The following TLN2 variants were observed in gnomAD, a reference collection of about 807,000 sequenced individuals.
The protein encoded by TLN2 is talin 2, also known as talin-2.
A neutral mutation model predicts 294.7 loss-of-function variants in TLN2; 118 were observed. The observed-to-expected ratio is 0.40, with a 90% confidence interval of 0.34 to 0.47. The LOEUF (loss-of-function observed/expected upper bound fraction) is 0.47. Ranked by LOEUF, TLN2 falls within the 20% of genes least tolerant of loss-of-function variation. The pLI, the probability that TLN2 is intolerant of heterozygous loss-of-function variation, is 0.84. For synonymous variants in TLN2, 1,431 were observed against 1,304.5 expected (o/e 1.10, Z -2.09); for missense variants, 3,083 against 3,282.2 (o/e 0.94, Z 1.48).
intron 1 of TLN2, among the ~76,000 whole-genome samples, chr15:62,427,347 GTTAC>G (rs1334767772): frequency 1.3e-5 from 2 of 152,094 alleles, no homozygotes; most frequent in Admixed American, 1.3e-4. Flanking sequence ...TCTACTTGGG[GTTAC>G]TTACTTTTAT....
chr15:62,616,416 T>C (rs1246496672), intron 2 of TLN2, among the ~76,000 whole-genome samples: 1 of 152,210 alleles, frequency 6.6e-6, no homozygotes, highest in Non-Finnish European at 1.5e-5. Context: ...CTATTTTCCA[T>C]ACATTTTCTT....
intron 1 of TLN2, among the ~76,000 whole-genome samples, chr15:62,449,331 T>C (rs2035978946): frequency 6.6e-6 from 1 of 152,202 alleles, no homozygotes; most frequent in Admixed American, 6.5e-5. Flanking sequence ...TGTCAGAGTT[T>C]GGTCCTGATG....
Position 62,653,307 on chromosome 15 carries a change from T to C in TLN2, c.510T>C (p.Asp170=). ...AGTTGAAGGCCAAGCTGCACACAGA[T>C]GATGACCGTAAGTGTTTGCAGAGGA... ...MEKLKAKLHT[D]DDLNWLDHSR... The change falls in exon 7 of 59, where the codon GAT becomes GAC. Residue 170 remains aspartate (D), a synonymous_variant. Transcript: ENST00000636159. The C allele has an allele frequency of 6.2e-7, 1 of 1,612,002 alleles. No individual in the cohort carries two copies. Among genetic ancestry groups the C allele is most frequent in the Non-Finnish European group, 8.5e-7 (1 of 1,179,322 alleles).
At chr15:62,578,263 A>G (rs531838509) in intron 1 of TLN2, among the ~76,000 whole-genome samples, 1 of 152,218 alleles carries the variant, frequency 6.6e-6, no homozygotes, top group Non-Finnish European at 1.5e-5. Context: ...ACCACCAGGA[A>G]CTGGAAAACA....
At chr15:62,645,639 C>A (rs1462821954) in intron 3 of TLN2, among the ~76,000 whole-genome samples, 1 of 152,220 alleles carries the variant, frequency 6.6e-6, no homozygotes, top group African/African-American at 2.4e-5. Context: ...GCTGCACTGC[C>A]TGGGCCTGGG....
chr15:62,673,765 T>C (rs376285907), intron 9 of TLN2, 62 bp from the exon 10 acceptor site: 2 of 1,332,248 alleles, frequency 1.5e-6, no homozygotes, highest in African/African-American at 2.9e-5. Context: ...TAAATGTCTT[T>C]GCTTTGCTTC....
At chr15:62,465,862 T>C (rs1566997470) in intron 1 of TLN2, among the ~76,000 whole-genome samples, 1 of 152,250 alleles carries the variant, frequency 6.6e-6, no homozygotes, top group Non-Finnish European at 1.5e-5. Flanking sequence ...AAATGAAGCT[T>C]CCATGTCTGT....
intron 1 of TLN2, among the ~76,000 whole-genome samples, chr15:62,447,932 G>T (rs908685623): frequency 5.9e-5 from 9 of 152,192 alleles, no homozygotes; most frequent in Non-Finnish European, 1.2e-4. Flanking sequence ...TACAAATGAG[G>T]TGCTCGTGAC....
intron 1 of TLN2, among the ~76,000 whole-genome samples, chr15:62,557,520 G>A (rs1394047101): frequency 2.0e-5 from 3 of 152,174 alleles, no homozygotes. Context: ...GGCTTAGAAT[G>A]TAACCTCAAA....
At chr15:62,529,941 C>T (rs980813960) in intron 1 of TLN2, among the ~76,000 whole-genome samples, 9 of 152,156 alleles carry the variant, frequency 5.9e-5, no homozygotes, top group African/African-American at 1.7e-4. Flanking sequence ...CCTGTAATCC[C>T]GGCACTTTGG....
chr15:62,614,032 T>C (rs2048121220), intron 2 of TLN2, among the ~76,000 whole-genome samples: 1 of 152,250 alleles, frequency 6.6e-6, no homozygotes, highest in South Asian at 2.1e-4. Flanking sequence ...CTAATGGCTG[T>C]GTTCATCATC....
chr15:62,790,944 G>T (rs2065031487), intron 45 of TLN2, among the ~76,000 whole-genome samples: 1 of 152,186 alleles, frequency 6.6e-6, no homozygotes, highest in African/African-American at 2.4e-5. Flanking sequence ...TCTGCATGGA[G>T]GTAGTCAACA....
At position 62,433,876 on chromosome 15, in the gene TLN2, C is replaced by A. The variant is rs546812954; in HGVS notation, c.-238+43191C>A. Among the ~76,000 whole-genome samples the A allele has an allele frequency of 2.0e-5, 3 of 152,108 alleles. No individual in the cohort carries two copies. The South Asian group carries it at 6.2e-4, about 32-fold the overall frequency. On this transcript the variant is annotated intron_variant, in intron 1 of 58. Coordinates refer to ENST00000636159, the MANE Select transcript of TLN2 (RefSeq NM_015059.3). ...TGATGGCAGGTACCTGTAATCCCAG[C>A]TACTCAGGAGGCTGAGGCAGGAGAA... is the stretch of plus-strand genomic sequence containing the variant.
intron 1 of TLN2, among the ~76,000 whole-genome samples, chr15:62,517,591 T>A (rs1352746736): frequency 6.6e-6 from 1 of 152,172 alleles, no homozygotes; most frequent in South Asian, 2.1e-4. Context: ...TGTACCCCTT[T>A]TGTAAACAAA....
intron 11 of TLN2, among the ~76,000 whole-genome samples, chr15:62,677,067 G>T (rs1204844779): frequency 1.3e-5 from 2 of 152,210 alleles, no homozygotes; most frequent in African/African-American, 4.8e-5. Flanking sequence ...CTTAGCCGGA[G>T]TGACCCCATT....
chr15:62,751,144 T>TA (rs549586570), intron 34 of TLN2, among the ~76,000 whole-genome samples: 134 of 145,398 alleles, frequency 9.2e-4, no homozygotes, highest in Middle Eastern at 3.5e-3. Context: ...GGAACAATAA[T>TA]AAAAAAAAAA....
chr15:62,809,857 C>CT (rs2066559487), intron 51 of TLN2, 68 bp from the exon 52 acceptor site: 2 of 1,487,602 alleles, frequency 1.3e-6, no homozygotes, highest in Non-Finnish European at 1.9e-6. Flanking sequence ...TCTCTTGCCT[C>CT]TGAGTCTGGG....
intron 1 of TLN2, among the ~76,000 whole-genome samples, chr15:62,390,907 T>C (rs1253712432): frequency 2.6e-5 from 4 of 152,272 alleles, no homozygotes; most frequent in South Asian, 2.1e-4. Flanking sequence ...TAAAATGAAA[T>C]TAATGCACCT....
intron 1 of TLN2, among the ~76,000 whole-genome samples, chr15:62,508,124 C>T (rs970151939): frequency 6.6e-6 from 1 of 151,992 alleles, no homozygotes; most frequent in Non-Finnish European, 1.5e-5. Flanking sequence ...AATGAAGATA[C>T]CATTTAATCG....
Sources: allele counts gnomAD v4.1 joint callset (sites outside exome capture counted in the v4.1 genomes callset), GRCh38; gene constraint gnomAD v4.1.1; transcripts MANE v1.5; gene names NCBI Gene and HGNC (gene_info 2026-07-23, HGNC 2026-07-21).